The following FAM107B variants were observed in gnomAD, a reference collection of about 807,000 sequenced individuals.
FAM107B encodes family with sequence similarity 107 member B, also known as protein FAM107B.
In FAM107B, 21 loss-of-function variants were observed where a neutral mutation model predicts 31.5. That is an observed-to-expected ratio of 0.67 (90% CI 0.47 to 0.96). FAM107B has a LOEUF of 0.96. Among genes scored for constraint, FAM107B ranks in the 40% least tolerant of loss-of-function variants. The probability of loss-of-function intolerance (pLI) is 0.00; values close to 1 mark genes in which losing one functional copy is unlikely to be tolerated. For synonymous variants in FAM107B, 157 were observed against 141.5 expected, an observed-to-expected ratio of 1.11 and a Z score of -0.78; for missense variants, 452 against 377.1, an observed-to-expected ratio of 1.20 and a Z score of -1.64.
chr10:14,688,791 G>A (rs1217792813), intron 1 of FAM107B, among the ~76,000 whole-genome samples: 1 of 152,092 alleles, frequency 6.6e-6, no homozygotes. Context: ...CCTTCCTGCT[G>A]GTTTGCCACT....
At chr10:14,574,539 A>G (rs1243786199) in intron 2 of FAM107B, among the ~76,000 whole-genome samples, 1 of 152,074 alleles carries the variant, frequency 6.6e-6, no homozygotes, top group Non-Finnish European at 1.5e-5. Context: ...ACAACTGTCC[A>G]CCTCTTGGCA....
intron 1 of FAM107B, among the ~76,000 whole-genome samples, chr10:14,728,632 A>G (rs1428575243): frequency 6.6e-6 from 1 of 152,088 alleles, no homozygotes; most frequent in Non-Finnish European, 1.5e-5. Flanking sequence ...CTCTTACCGC[A>G]TGGTGATTTA....
At chr10:14,767,016 A>ATGTG (rs1456175007) in intron 1 of FAM107B, among the ~76,000 whole-genome samples, 1 of 59,384 alleles carries the variant, frequency 1.7e-5, no homozygotes, top group Non-Finnish European at 3.1e-5. Flanking sequence ...AATATCCCTG[A>ATGTG]TGTGTATGTA....
intron 2 of FAM107B, among the ~76,000 whole-genome samples, chr10:14,657,314 G>T (rs1008126529): frequency 6.6e-6 from 1 of 152,182 alleles, no homozygotes; most frequent in Non-Finnish European, 1.5e-5. Flanking sequence ...AACAGATTCG[G>T]CCTAGGAGGG....
chr10:14,567,653 G>A (rs766792706), intron 2 of FAM107B, among the ~76,000 whole-genome samples: 1 of 152,132 alleles, frequency 6.6e-6, no homozygotes, highest in African/African-American at 2.4e-5. Flanking sequence ...GTTGACAAGC[G>A]CATCGCTGAA....
chr10:14,727,365 A>G lies in FAM107B; in HGVS notation c.411+46888T>C, dbSNP rs147978575. On this transcript the variant is annotated intron_variant, in intron 1 of 4. Coordinates refer to ENST00000181796, the MANE Select transcript of FAM107B (RefSeq NM_031453.4). ...AATACACCATCATGCTCGGGTTTTC[A>G]TCACACTGCCTGAGCCACGTCTCTT... 3.4e-3 allele frequency among the ~76,000 whole-genome samples: 522 copies of G among 152,336 alleles called. 11 individuals carry two copies. The East Asian group carries it at 0.045, about 13-fold the overall frequency.
chr10:14,602,532 TTTTAC>T (rs1417224615), intron 2 of FAM107B: 1 of 152,226 alleles, frequency 6.6e-6, no homozygotes, highest in Non-Finnish European at 1.5e-5. Context: ...AAAACCCTTA[TTTTAC>T]TTTCTCAGTG....
At chr10:14,604,434 G>C (rs913496487) in intron 2 of FAM107B, 2 of 168,394 alleles carry the variant, frequency 1.2e-5, no homozygotes, top group African/African-American at 4.8e-5. Context: ...CGAATTAAGC[G>C]GCGGGGCGGG....
intron 2 of FAM107B, among the ~76,000 whole-genome samples, chr10:14,666,590 G>C (rs11595229): frequency 0.072 from 10,925 of 152,214 alleles, 459 homozygotes; most frequent in South Asian, 0.16. Context: ...AATGTGTAAT[G>C]GGATGAAGAG....
chr10:14,711,730 G>A (rs1180594726), intron 1 of FAM107B, among the ~76,000 whole-genome samples: 2 of 152,096 alleles, frequency 1.3e-5, no homozygotes, highest in African/African-American at 4.8e-5. Flanking sequence ...TGCAACCTCC[G>A]CCTCCCAGGT....
chr10:14,679,297 T>C (rs1464211935), intron 1 of FAM107B, among the ~76,000 whole-genome samples: 1 of 152,130 alleles, frequency 6.6e-6, no homozygotes, highest in Non-Finnish European at 1.5e-5. Context: ...GCCTGGCTAA[T>C]ATTTTTATTT....
At chr10:14,708,538 GGT>G in intron 1 of FAM107B, among the ~76,000 whole-genome samples, 1 of 152,186 alleles carries the variant, frequency 6.6e-6, no homozygotes, top group South Asian at 2.1e-4. Context: ...TGAGACCAGT[GGT>G]AAAGTGAATG....
chr10:14,738,447 A>G (rs1316249349), intron 1 of FAM107B, among the ~76,000 whole-genome samples: 16 of 152,150 alleles, frequency 1.1e-4, no homozygotes. Flanking sequence ...CTTCCTCCTG[A>G]CCACAGTCTA....
chr10:14,761,034 A>AAAAAAAAAAC lies in FAM107B; in HGVS notation c.411+13218_411+13219insGTTTTTTTTT, dbSNP rs1554757192. On this transcript the variant is annotated intron_variant, in intron 1 of 4. Transcript: ENST00000181796. ...TTCAAAAAAAAAAAAAAAAAAAAAA[A>AAAAAAAAAAC]AAGAAAGACATATCGTTAAGCTAGA... Among the ~76,000 whole-genome samples, 19 of 146,712 alleles carry AAAAAAAAAAC rather than the reference A, an allele frequency of 1.3e-4. 1 individual carries two copies. Among genetic ancestry groups the AAAAAAAAAAC allele is most frequent in the South Asian group, 2.2e-4 (1 of 4,610 alleles).
chr10:14,756,746 G>T (rs1193865939), intron 1 of FAM107B, among the ~76,000 whole-genome samples: 1 of 152,124 alleles, frequency 6.6e-6, no homozygotes, highest in Non-Finnish European at 1.5e-5. Context: ...CAATAGCAAA[G>T]ACATGAAATC....
intron 2 of FAM107B, among the ~76,000 whole-genome samples, chr10:14,667,185 G>A (rs1015383135): frequency 3.3e-5 from 5 of 151,782 alleles, no homozygotes; most frequent in African/African-American, 9.7e-5. Flanking sequence ...TAACTCATAG[G>A]GCGTCCTATT....
At chr10:14,583,099 A>G (rs1222437475) in intron 2 of FAM107B, among the ~76,000 whole-genome samples, 1 of 151,956 alleles carries the variant, frequency 6.6e-6, no homozygotes, top group Non-Finnish European at 1.5e-5. Flanking sequence ...AAAAAAAAAA[A>G]AAAAAGAAAA....
chr10:14,684,493 C>T (rs1854924517), intron 1 of FAM107B, among the ~76,000 whole-genome samples: 1 of 152,054 alleles, frequency 6.6e-6, no homozygotes, highest in Non-Finnish European at 1.5e-5. Flanking sequence ...GGCAACAATT[C>T]CATTCATGAA....
intron 2 of FAM107B, among the ~76,000 whole-genome samples, chr10:14,614,410 C>T (rs574767052): frequency 2.0e-5 from 3 of 152,166 alleles, no homozygotes; most frequent in African/African-American, 4.8e-5. Context: ...CAGTGTCTCA[C>T]GCCTGTAATC....
Sources: gnomAD v4.1 joint callset for allele counts (sites outside exome capture counted in the v4.1 genomes callset) on GRCh38, gnomAD v4.1.1 for gene constraint, MANE v1.5 for transcripts, NCBI Gene and HGNC (gene_info 2026-07-23, HGNC 2026-07-21) for gene names.